COL4A2: variants seen among roughly 807,000 people sequenced by gnomAD.
COL4A2 encodes collagen type IV alpha 2 chain, also known as collagen alpha-2(IV) chain.
A neutral mutation model predicts 200.2 loss-of-function variants in COL4A2; 99 were observed. The observed-to-expected ratio is 0.49, with a 90% CI of 0.42 to 0.58. The LOEUF (loss-of-function observed/expected upper bound fraction) is 0.58, where lower values mean the gene tolerates loss of function less well. Among genes scored for constraint, COL4A2 ranks in the 20% least tolerant of loss-of-function variants. The pLI, the probability that COL4A2 is intolerant of heterozygous loss-of-function variation, is 0.00. For missense variants in COL4A2, 1,950 were observed against 2,314.1 expected (o/e 0.84, Z 3.23); for synonymous variants, 897 against 900.6 (o/e 1.00, Z 0.07).
At chr13:110,434,822 C>A (rs1880812835) in intron 12 of COL4A2, among the ~76,000 whole-genome samples, 1 of 152,182 alleles carries the variant, frequency 6.6e-6, no homozygotes, top group African/African-American at 2.4e-5. Flanking sequence ...TCTCAGGGAC[C>A]AGGGGATCTC....
chr13:110,318,307 T>G (rs979842790), intron 3 of COL4A2, among the ~76,000 whole-genome samples: 5 of 151,032 alleles, frequency 3.3e-5, no homozygotes, highest in Non-Finnish European at 7.4e-5. Flanking sequence ...GATCAGTGTG[T>G]GTGTGCGCGC....
At chr13:110,394,940 A>T (rs965019214) in intron 4 of COL4A2, among the ~76,000 whole-genome samples, 1 of 152,250 alleles carries the variant, frequency 6.6e-6, no homozygotes, top group Non-Finnish European at 1.5e-5. Context: ...TGATGGAATT[A>T]GCAGACACAT....
intron 34 of COL4A2, 59 bp from the exon 35 acceptor site, chr13:110,489,376 GTGAGCTAACT>G (rs1594104778): frequency 7.0e-7 from 1 of 1,432,050 alleles, no homozygotes; most frequent in Non-Finnish European, 9.9e-7. Flanking sequence ...AGTTAAATAA[GTGAGCTAACT>G]TCAGAGTTAC....
intron 6 of COL4A2, among the ~76,000 whole-genome samples, chr13:110,425,756 G>T (rs951067728): frequency 6.6e-6 from 1 of 150,592 alleles, no homozygotes; most frequent in South Asian, 2.1e-4. Context: ...CACCACACAC[G>T]CACACGCACA....
At chr13:110,411,832 C>T (rs1336601358) in intron 4 of COL4A2, among the ~76,000 whole-genome samples, 1 of 152,180 alleles carries the variant, frequency 6.6e-6, no homozygotes, top group African/African-American at 2.4e-5. Context: ...TTTGAAAAGC[C>T]CCATATGACT....
intron 24 of COL4A2, among the ~76,000 whole-genome samples, chr13:110,464,054 T>G (rs1385883521): frequency 1.3e-5 from 2 of 152,114 alleles, no homozygotes; most frequent in Non-Finnish European, 2.9e-5. Flanking sequence ...GTGGTGAGTG[T>G]ATGTGTGGTG....
At chr13:110,483,604 GA>G (rs1200886170) in intron 32 of COL4A2, among the ~76,000 whole-genome samples, 3 of 152,382 alleles carry the variant, frequency 2.0e-5, no homozygotes, top group African/African-American at 7.2e-5. Context: ...GGCGAGCCTT[GA>G]GAACACTATG....
In COL4A2 at chr13:110,512,257, C is replaced by A. The variant is rs1459787683; in HGVS notation, c.*66C>A. 2.7e-6 allele frequency: 4 copies of A among 1,492,032 alleles called. No individual in the cohort carries two copies. The highest frequency in any genetic ancestry group is 2.7e-6 in the Non-Finnish European group (3 of 1,126,824). The allele number at this position is 1,492,032 out of a possible 1,614,324, so 92.4% of individuals were successfully genotyped here. On this transcript the variant is annotated 3_prime_UTR_variant, in exon 48 of 48. Coordinates refer to ENST00000360467, the MANE Select transcript of COL4A2 (RefSeq NM_001846.4). The stretch of plus-strand genomic sequence containing the variant: ...TAACTTATTACCTCAGGTGCCAACC[C>A]AAAAATTGGTTTTATTTTTTTCTTA...
At chr13:110,457,626 G>C in intron 21 of COL4A2, 191 bp downstream of exon 21, 1 of 682,638 alleles carries the variant, frequency 1.5e-6, no homozygotes. Flanking sequence ...TGCTGTCTGA[G>C]CACTCGGCCC....
At chr13:110,467,189 C>A in intron 27 of COL4A2, 93 bp downstream of exon 27, 1 of 1,507,698 alleles carries the variant, frequency 6.6e-7, no homozygotes, top group Non-Finnish European at 9.1e-7. Flanking sequence ...TCTGGTCCTG[C>A]ATCCCCCACC....
intron 24 of COL4A2, among the ~76,000 whole-genome samples, chr13:110,463,912 C>T (rs1221263508): frequency 6.6e-6 from 1 of 152,168 alleles, no homozygotes; most frequent in African/African-American, 2.4e-5. Flanking sequence ...TCTTAAAAAT[C>T]TCATCTGGGA....
At position 110,430,456 on chromosome 13, in the gene COL4A2, A is replaced by T; in HGVS notation, c.585+20A>T. On this transcript the variant is annotated intron_variant, in intron 9 of 47. Transcript: ENST00000360467. ...TTCCAGGTAAGTTTATTTTTATTGG[A>T]CGATATTCCAAACAAAAGTTTAAGA... is the stretch of plus-strand genomic sequence containing the variant. The T allele has an allele frequency of 6.2e-7, 1 of 1,614,150 alleles. No homozygotes were observed.
At chr13:110,353,993 G>A (rs1326852784) in intron 3 of COL4A2, among the ~76,000 whole-genome samples, 1 of 152,146 alleles carries the variant, frequency 6.6e-6, no homozygotes, top group Non-Finnish European at 1.5e-5. Flanking sequence ...TTTTGAGTGG[G>A]TTATGAATAA....
chr13:110,450,722 G>A (rs1346137991), intron 20 of COL4A2, among the ~76,000 whole-genome samples: 2 of 152,192 alleles, frequency 1.3e-5, no homozygotes, highest in Non-Finnish European at 2.9e-5. Context: ...AGTTGCTGCA[G>A]CTTCGGTGAA....
rs1192930996 is a variant in COL4A2, at chr13:110,357,452, C to G, written c.100-20C>G. 1 of 1,572,864 alleles carries G rather than the reference C, an allele frequency of 6.4e-7. No individual in the cohort carries two copies. ...CAATGTTTAGGTAACTTTTCTTTGC[C>G]TTGTGTTTTATTGTTGCAGGGTGTG... is the stretch of plus-strand genomic sequence containing the variant. On this transcript the variant is annotated intron_variant, in intron 3 of 47. Coordinates refer to ENST00000360467, the MANE Select transcript of COL4A2 (RefSeq NM_001846.4).
Position 110,478,054 on chromosome 13 carries a change from C to G in COL4A2, c.2477C>G (p.Pro826Arg), listed in dbSNP as rs1020176452. 1.0e-5 allele frequency: 16 copies of G among 1,604,466 alleles called. No homozygotes were observed. The Admixed American group carries it at 1.8e-4, about 19-fold the overall frequency. ...MPGLKGQPGL[P>R]GPSGQPGLYG... is the part of the protein sequence containing the mutation. ...GGGCTGAAGGGCCAGCCAGGCCTCCCAGGACCTTCCGGCCAGCCAGGCCTG... is the reference window on the plus strand; with the variant it reads ...GGGCTGAAGGGCCAGCCAGGCCTCCGAGGACCTTCCGGCCAGCCAGGCCTG... The change falls in exon 30 of 48, where the codon CCA becomes CGA. Residue 826 changes from proline to arginine, a missense_variant. By Grantham distance (103) the Pro-to-Arg change is moderately radical. This residue lies in a region of COL4A2 where 1,385 missense variants were observed against 1,720.5 expected (regional missense o/e 0.80). Coordinates refer to ENST00000360467, the MANE Select transcript of COL4A2 (RefSeq NM_001846.4).
Position 110,307,406 on chromosome 13 carries a change from C to G in COL4A2, c.-167C>G, listed in dbSNP as rs1410472597. ...AGGCCGAGGACCGAAAGGGGCCGCC[C>G]GAGCCCCCGGGGCCGGCGCCCAGAG... On this transcript the variant is annotated 5_prime_UTR_variant, in exon 1 of 48. Coordinates refer to ENST00000360467, the MANE Select transcript of COL4A2 (RefSeq NM_001846.4). This position sits in a 1 kb window ranked among gnomAD's most constrained non-coding sequence, Gnocchi z 5.0. The G allele has an allele frequency of 5.2e-5, 11 of 210,516 alleles. No homozygotes were observed. Among genetic ancestry groups the G allele is most frequent in the Non-Finnish European group, 6.5e-5 (7 of 106,954 alleles). 13.0% of individuals were successfully genotyped at this position (210,516 alleles called of 1,614,324 possible). A position where few individuals can be genotyped will look rare whatever the true frequency, so the allele number is the denominator to read the frequency against.
At chr13:110,320,085 A>G (rs1264840465) in intron 3 of COL4A2, among the ~76,000 whole-genome samples, 2 of 152,270 alleles carry the variant, frequency 1.3e-5, no homozygotes, top group Non-Finnish European at 2.9e-5. Flanking sequence ...GTGAGTTTTC[A>G]GCTGTCTGCC....
chr13:110,483,586 G>A (rs1883007613), intron 32 of COL4A2, among the ~76,000 whole-genome samples: 1 of 152,248 alleles, frequency 6.6e-6, no homozygotes, highest in South Asian at 2.1e-4. Context: ...TCTCAGACAT[G>A]GCGCGTGGGC....
Sources: allele counts gnomAD v4.1 joint callset (sites outside exome capture counted in the v4.1 genomes callset), GRCh38; gene constraint gnomAD v4.1.1; regional missense constraint gnomAD v4.1.1; non-coding constraint Gnocchi (gnomAD v3.1); transcripts MANE v1.5; gene names NCBI Gene and HGNC (gene_info 2026-07-23, HGNC 2026-07-21).